The following SH3BP5L variants were observed in gnomAD, a reference collection of about 807,000 sequenced individuals.
The protein encoded by SH3BP5L is SH3 binding domain protein 5 like, also known as SH3 domain-binding protein 5-like.
A neutral mutation model predicts 40.9 loss-of-function variants in SH3BP5L; 16 were observed. The observed-to-expected ratio is 0.39, with a 90% CI of 0.27 to 0.59. The LOEUF is 0.59. SH3BP5L is among the 20% of genes least tolerant of loss of function. The probability of loss-of-function intolerance (pLI) is 0.53; values close to 1 mark genes in which losing one functional copy is unlikely to be tolerated. For missense variants in SH3BP5L, 471 were observed against 544.6 expected, an observed-to-expected ratio of 0.86 and a Z score of 1.35; for synonymous variants, 229 against 226.7, an observed-to-expected ratio of 1.01 and a Z score of -0.09.
In SH3BP5L at chr1:248,811,896, T is replaced by TA; in HGVS notation, c.*3_*4insT. The TA allele has an allele frequency of 6.6e-7, 1 of 1,509,110 alleles. No homozygotes were observed. The highest frequency in any genetic ancestry group is 8.9e-7 in the Non-Finnish European group (1 of 1,124,244). The allele number at this position is 1,509,110 out of a possible 1,614,324, so 93.5% of individuals were successfully genotyped here. On this transcript the variant is annotated 3_prime_UTR_variant, in exon 7 of 7. Coordinates refer to ENST00000366472, the MANE Select transcript of SH3BP5L (RefSeq NM_030645.3). Reference sequence around the variant, plus strand: ...GATTCAAGCCAGGAACCCTGGCCCCTCGGCTACAGGCTGACGCTGCGCTGG... The same window carrying TA: ...GATTCAAGCCAGGAACCCTGGCCCCTACGGCTACAGGCTGACGCTGCGCTGG...
intron 2 of SH3BP5L, among the ~76,000 whole-genome samples, chr1:248,824,469 T>C (rs1355943118): frequency 6.6e-6 from 1 of 152,146 alleles, no homozygotes; most frequent in Non-Finnish European, 1.5e-5. Context: ...AAAGTGTGCC[T>C]CCTCCATCTA....
rs1293628335 is a variant in SH3BP5L, at chr1:248,810,838, C to G, written c.*1062G>C. 1 of 152,680 alleles carries G rather than the reference C, an allele frequency of 6.5e-6. No individual in the cohort carries two copies. The highest frequency in any genetic ancestry group is 1.5e-5 in the Non-Finnish European group (1 of 68,082). 9.5% of individuals were successfully genotyped at this position (152,680 alleles called of 1,614,324 possible). ...CTTTTCACCCCAAGCCAACCCCTCCCTGTAACAAAGGAAGTAAGAGGGTTG... is the reference window on the plus strand; with the variant it reads ...CTTTTCACCCCAAGCCAACCCCTCCGTGTAACAAAGGAAGTAAGAGGGTTG... On this transcript the variant is annotated 3_prime_UTR_variant, in exon 7 of 7. Coordinates refer to ENST00000366472, the MANE Select transcript of SH3BP5L (RefSeq NM_030645.3).
chr1:248,825,243 A>C lies in SH3BP5L; in HGVS notation c.-308T>G. On this transcript the variant is annotated 5_prime_UTR_variant, in exon 2 of 7. Transcript: ENST00000366472. ...GGGGCAAAGGGGGCTTGGATCCTGG[A>C]CCGAGGCCTGCTAGGAGGAGCACCA... The C allele has an allele frequency of 9.0e-7, 1 of 1,106,534 alleles. No homozygotes were observed. Among genetic ancestry groups the C allele is most frequent in the South Asian group, 3.1e-5 (1 of 32,290 alleles). The allele number at this position is 1,106,534 out of a possible 1,614,324, so 68.5% of individuals were successfully genotyped here.
intron 5 of SH3BP5L, 157 bp from the exon 6 acceptor site, chr1:248,813,319 C>CA (rs1664007862): frequency 1.5e-6 from 1 of 682,294 alleles, no homozygotes; most frequent in Non-Finnish European, 2.2e-6. Flanking sequence ...CGCAGGGGAA[C>CA]ACGGGGTCTA....
At chr1:248,813,486 G>C (rs1387954944) in intron 5 of SH3BP5L, 1 of 303,670 alleles carries the variant, frequency 3.3e-6, no homozygotes, top group Admixed American at 5.1e-5. Flanking sequence ...TGCCAGGAAA[G>C]GGATGCTGGT....
chr1:248,814,376 G>T, intron 5 of SH3BP5L, 73 bp downstream of exon 5: 1 of 1,483,258 alleles, frequency 6.7e-7, no homozygotes, highest in Non-Finnish European at 9.3e-7. Flanking sequence ...GAATGAGGAG[G>T]TGAGGTGATA....
At chr1:248,822,560 C>T (rs751834349) in intron 2 of SH3BP5L, among the ~76,000 whole-genome samples, 3 of 152,200 alleles carry the variant, frequency 2.0e-5, no homozygotes, top group Non-Finnish European at 4.4e-5. Flanking sequence ...GTAAGTCTTA[C>T]GCTACCTCAG....
intron 4 of SH3BP5L, chr1:248,814,900 C>T: frequency 2.0e-6 from 1 of 512,436 alleles, no homozygotes; most frequent in Admixed American, 2.6e-5. Context: ...AAGGAAAACA[C>T]AAACCATTTT....
At chr1:248,814,124 C>T (rs900628164) in intron 5 of SH3BP5L, 3 of 304,628 alleles carry the variant, frequency 9.8e-6, no homozygotes, top group South Asian at 4.2e-5. Flanking sequence ...AAAACAGAAG[C>T]GAGGAGTCAC....
chr1:248,815,017 C>T, intron 4 of SH3BP5L: 1 of 352,088 alleles, frequency 2.8e-6, no homozygotes, highest in Non-Finnish European at 5.6e-6. Flanking sequence ...CAGACAAGTG[C>T]TCAGGGACAG....
intron 2 of SH3BP5L, chr1:248,820,402 C>A (rs887645264): frequency 1.3e-5 from 2 of 152,358 alleles, no homozygotes; most frequent in African/African-American, 4.8e-5. Context: ...AGGCAACCTA[C>A]CTCCCTGGGG....
In SH3BP5L at chr1:248,811,881, A is replaced by G. The variant is rs1159370499; in HGVS notation, c.*19T>C. 5.4e-6 allele frequency: 8 copies of G among 1,485,298 alleles called. No homozygotes were observed. The highest frequency in any genetic ancestry group is 1.4e-5 in the African/African-American group (1 of 71,330). 92.0% of individuals were successfully genotyped at this position (1,485,298 alleles called of 1,614,324 possible). On this transcript the variant is annotated 3_prime_UTR_variant, in exon 7 of 7. Transcript: ENST00000366472. ...CGGCCCGTGGTGGCAGATTCAAGCCAGGAACCCTGGCCCCTCGGCTACAGG... is the reference window on the plus strand; with the variant it reads ...CGGCCCGTGGTGGCAGATTCAAGCCGGGAACCCTGGCCCCTCGGCTACAGG...
intron 4 of SH3BP5L, among the ~76,000 whole-genome samples, chr1:248,815,669 A>G (rs1002770700): frequency 6.6e-6 from 1 of 151,908 alleles, no homozygotes; most frequent in African/African-American, 2.4e-5. Context: ...CCAAGCCGAT[A>G]TTTCCTCTGC....
At position 248,814,626 on chromosome 1, in the gene SH3BP5L, T is replaced by C; in HGVS notation, c.376-16A>G. ...CCTGCTGAGCCTGGGGGGAGAGGGA[T>C]ATCAGGATGGGGAACCCTGAGGGAC... On this transcript the variant is annotated splice_polypyrimidine_tract_variant and intron_variant, in intron 4 of 6. Transcript: ENST00000366472. 2 of 1,614,034 alleles carry C rather than the reference T, an allele frequency of 1.2e-6. No homozygotes were observed. The highest frequency in any genetic ancestry group is 2.2e-5 in the South Asian group (2 of 91,076).
intron 4 of SH3BP5L, 139 bp downstream of exon 4, chr1:248,816,395 C>G: frequency 9.8e-7 from 1 of 1,023,750 alleles, no homozygotes; most frequent in Non-Finnish European, 1.4e-6. Flanking sequence ...GCCCACAGAG[C>G]TGGTTCCGAC....
In SH3BP5L at chr1:248,814,539, T is replaced by G; in HGVS notation, c.447A>C (p.Glu149Asp). 1 of 1,614,200 alleles carries G rather than the reference T, an allele frequency of 6.2e-7. No homozygotes were observed. The highest frequency in any genetic ancestry group is 8.5e-7 in the Non-Finnish European group (1 of 1,180,032). Reference protein sequence around the residue: ...RAVSMHNAAREMVFVAEQGVM... With the variant: ...RAVSMHNAARDMVFVAEQGVM... The stretch of plus-strand genomic sequence containing the variant: ...CGCCCTGCTCAGCCACAAACACCAT[T>G]TCTCGAGCAGCGTTGTGCATGCTTA... The change falls in exon 5 of 7, where the codon GAA becomes GAC. Residue 149 changes from glutamate (E) to aspartate (D), a missense_variant. Coordinates refer to ENST00000366472, the MANE Select transcript of SH3BP5L (RefSeq NM_030645.3).
chr1:248,822,581 C>T (rs1191260291), intron 2 of SH3BP5L, among the ~76,000 whole-genome samples: 1 of 152,192 alleles, frequency 6.6e-6, no homozygotes, highest in Non-Finnish European at 1.5e-5. Context: ...TGTACTCCAA[C>T]TCTCATAGAG....
chr1:248,822,433 C>T (rs114451071), intron 2 of SH3BP5L, among the ~76,000 whole-genome samples: 4,441 of 152,272 alleles, frequency 0.029, 96 homozygotes, highest in Non-Finnish European at 0.047. Flanking sequence ...ATTACTAGAC[C>T]TTTCCTCCCT....
chr1:248,812,327 T>C lies in SH3BP5L; in HGVS notation c.755A>G (p.Gln252Arg). 6.2e-7 allele frequency: 1 copy of C among 1,608,628 alleles called. No individual in the cohort carries two copies. Among genetic ancestry groups the C allele is most frequent in the Non-Finnish European group, 8.5e-7 (1 of 1,179,624 alleles). The part of the protein sequence containing the change: ...KVTELEQQVA[Q>R]AKTRYSVALR... Reference sequence around the variant, plus strand: ...GGCCACGGAGTAGCGCGTCTTGGCCTGAGCTACCTGCTGCTCCAGTTCTGT... The same window carrying C: ...GGCCACGGAGTAGCGCGTCTTGGCCCGAGCTACCTGCTGCTCCAGTTCTGT... Residue 252 changes from glutamine (Q) to arginine (R), a missense_variant, in exon 7 of 7, where the codon CAG becomes CGG. Physicochemically the swap from Gln to Arg is conservative, Grantham distance 43 (BLOSUM62 1). Transcript: ENST00000366472. The surrounding 1 kb of genome is among the most constrained non-coding windows in gnomAD (Gnocchi z 6.1).
Sources: gnomAD v4.1 joint callset for allele counts (sites outside exome capture counted in the v4.1 genomes callset) on GRCh38, gnomAD v4.1.1 for gene constraint, Gnocchi (gnomAD v3.1) non-coding constraint, MANE v1.5 for transcripts, NCBI Gene and HGNC (gene_info 2026-07-23, HGNC 2026-07-21) for gene names.